The following LAMP3 variants were observed in gnomAD, a reference collection of about 807,000 sequenced individuals.
LAMP3 encodes lysosome-associated membrane glycoprotein 3.
A neutral mutation model predicts 34.8 loss-of-function variants in LAMP3; 26 were observed. The ratio of observed to expected loss-of-function variants is 0.75; its 90% confidence interval spans 0.55 to 1.04. The LOEUF is 1.04. LAMP3 is among the 50% of genes least tolerant of loss of function. The pLI, the probability that LAMP3 is intolerant of heterozygous loss-of-function variation, is 0.00. For missense variants in LAMP3, 495 were observed against 524.0 expected, an observed-to-expected ratio of 0.94 and a Z score of 0.54; for synonymous variants, 180 against 201.9, an observed-to-expected ratio of 0.89 and a Z score of 0.92.
At chr3:183,160,836 G>A (rs1269381936) in intron 1 of LAMP3, 7 of 152,108 alleles carry the variant, frequency 4.6e-5, no homozygotes, top group Admixed American at 2.0e-4. Flanking sequence ...CAAGTAAAAC[G>A]GAGACAATAG....
At chr3:183,157,461 C>T (rs377179328) in intron 1 of LAMP3, among the ~76,000 whole-genome samples, 3 of 152,234 alleles carry the variant, frequency 2.0e-5, no homozygotes, top group East Asian at 1.9e-4. Context: ...GTAAAACCCG[C>T]GTTGCTGGTT....
chr3:183,130,625 A>G (rs1363614221), intron 5 of LAMP3, among the ~76,000 whole-genome samples: 1 of 152,044 alleles, frequency 6.6e-6, no homozygotes, highest in Non-Finnish European at 1.5e-5. Flanking sequence ...TTTCCATTGC[A>G]TCTGAGATCA....
intron 3 of LAMP3, among the ~76,000 whole-genome samples, chr3:183,151,916 C>T (rs527309854): frequency 5.9e-5 from 9 of 152,314 alleles, no homozygotes; most frequent in African/African-American, 2.2e-4. Flanking sequence ...CTGTCCCTTC[C>T]AGGGTATGGT....
In LAMP3 at chr3:183,153,885, C is replaced by A; in HGVS notation, c.556G>T (p.Val186Phe). 1 of 1,613,936 alleles carries A rather than the reference C, an allele frequency of 6.2e-7. No individual in the cohort carries two copies. The highest frequency in any genetic ancestry group is 1.1e-5 in the South Asian group (1 of 91,044). The change falls in exon 2 of 6, where the codon GTT becomes TTT. Residue 186 changes from valine (V) to phenylalanine (F), a missense_variant. Transcript: ENST00000265598. Reference protein sequence around the residue: ...LHKSTTGQKPVQPTHAPGTTA... With the variant: ...LHKSTTGQKPFQPTHAPGTTA... ...GTTCCTGGGGCATGGGTGGGTTGAACAGGCTTCTGACCGGTTGTGCTTTTG... is the reference window on the plus strand; with the variant it reads ...GTTCCTGGGGCATGGGTGGGTTGAAAAGGCTTCTGACCGGTTGTGCTTTTG...
At chr3:183,162,389 C>CAGAA (rs926243992) in intron 1 of LAMP3, among the ~76,000 whole-genome samples, 3 of 152,174 alleles carry the variant, frequency 2.0e-5, no homozygotes, top group Non-Finnish European at 4.4e-5. Flanking sequence ...AGAAGGTGTC[C>CAGAA]AGAACCCTTT....
At chr3:183,147,841 G>A (rs1195078323) in intron 3 of LAMP3, among the ~76,000 whole-genome samples, 1 of 152,086 alleles carries the variant, frequency 6.6e-6, no homozygotes, top group Admixed American at 6.5e-5. Context: ...CAGCTTGCAT[G>A]TGGTAGCTGG....
rs2108611722 is a variant in LAMP3, at chr3:183,153,569, C to T, written c.759+113G>A. ...AGCACCTTGGAGAGAGATGAGCTCA[C>T]AGCTATTGGTTTCATTTAAAGACAC... On this transcript the variant is annotated intron_variant, in intron 2 of 5. Transcript: ENST00000265598. 9.0e-6 allele frequency: 6 copies of T among 669,888 alleles called. No individual in the cohort carries two copies. The South Asian group carries it at 1.1e-4, about 12-fold the overall frequency. 41.5% of individuals were successfully genotyped at this position (669,888 alleles called of 1,614,324 possible).
chr3:183,152,470 G>A lies in LAMP3; in HGVS notation c.793C>T (p.Pro265Ser). ...FSPRRYFNID[P>S]NATQASGNCG... is the part of the protein sequence containing the mutation. ...TTCCCAGAGGCTTGCGTTGCGTTGG[G>A]GTCGATGTTGAAGTATCTCCGAGGT... The change falls in exon 3 of 6, where the codon CCC becomes TCC. Residue 265 changes from proline (P) to serine (S), a missense_variant. Pro to Ser is a moderately conservative substitution (Grantham distance 74, BLOSUM62 -1). Transcript: ENST00000265598. 6.2e-7 allele frequency: 1 copy of A among 1,612,422 alleles called. No individual in the cohort carries two copies. The highest frequency in any genetic ancestry group is 8.5e-7 in the Non-Finnish European group (1 of 1,179,340).
rs144414272 is a variant in LAMP3 at position 183,126,216 on chromosome 3, C to T, written c.1118-2002G>A. Reference sequence around the variant, plus strand: ...TTCAGACAATAGAAAATAATATAGCCATTAAAAAGAACGTGGTAGGTCTCG... The same window carrying T: ...TTCAGACAATAGAAAATAATATAGCTATTAAAAAGAACGTGGTAGGTCTCG... On this transcript the variant is annotated intron_variant, in intron 5 of 5. Transcript: ENST00000265598. 2.9e-3 allele frequency among the ~76,000 whole-genome samples: 433 copies of T among 151,158 alleles called. 2 individuals carry two copies. The highest frequency in any genetic ancestry group is 0.01 in the African/African-American group (413 of 41,184).
At chr3:183,141,511 G>A (rs1395139362) in intron 3 of LAMP3, among the ~76,000 whole-genome samples, 1 of 152,196 alleles carries the variant, frequency 6.6e-6, no homozygotes, top group African/African-American at 2.4e-5. Flanking sequence ...TACAAGTTAA[G>A]AGATGCAAAA....
chr3:183,133,056 G>A (rs1719975235), intron 5 of LAMP3: 1 of 473,592 alleles, frequency 2.1e-6, no homozygotes, highest in Non-Finnish European at 2.8e-6. Flanking sequence ...AGAAGACAGA[G>A]GGGAAGATGG....
At chr3:183,133,178 T>C (rs1719978957) in intron 5 of LAMP3, among the ~76,000 whole-genome samples, 1 of 152,200 alleles carries the variant, frequency 6.6e-6, no homozygotes, top group South Asian at 2.1e-4. Context: ...AAATTGCAGA[T>C]GCCCAGACAC....
chr3:183,143,354 C>T (rs1267016974), intron 3 of LAMP3, among the ~76,000 whole-genome samples: 1 of 152,200 alleles, frequency 6.6e-6, no homozygotes, highest in Non-Finnish European at 1.5e-5. Context: ...CTCAAGAGAT[C>T]TTCCCTACTT....
At chr3:183,135,024 T>C (rs1720039678) in intron 5 of LAMP3, among the ~76,000 whole-genome samples, 1 of 152,214 alleles carries the variant, frequency 6.6e-6, no homozygotes, top group South Asian at 2.1e-4. Context: ...AATGTGTTCC[T>C]GGAAGGGAGA....
intron 5 of LAMP3, among the ~76,000 whole-genome samples, chr3:183,131,216 C>G (rs1022872703): frequency 1.3e-5 from 2 of 152,182 alleles, no homozygotes; most frequent in Admixed American, 6.5e-5. Flanking sequence ...GTGGTCATAT[C>G]CCTCTATACT....
chr3:183,137,692 AC>A (rs1183737015), intron 4 of LAMP3, among the ~76,000 whole-genome samples: 1 of 152,000 alleles, frequency 6.6e-6, no homozygotes, highest in African/African-American at 2.4e-5. Context: ...TAATACCCCC[AC>A]TAACATGAAA....
Position 183,123,965 on chromosome 3 carries a change from A to ATGG in LAMP3, c.*113_*115dup. 1 of 1,047,756 alleles carries ATGG rather than the reference A, an allele frequency of 9.5e-7. No individual in the cohort carries two copies. The highest frequency in any genetic ancestry group is 2.5e-5 in the East Asian group (1 of 40,144). 64.9% of individuals were successfully genotyped at this position (1,047,756 alleles called of 1,614,324 possible). A position where few individuals can be genotyped will look rare whatever the true frequency, so the allele number is the denominator to read the frequency against. The stretch of plus-strand genomic sequence containing the variant: ...ATGACTCACTTCATTTGAATAGAAG[A>ATGG]TGGTGGTTTACATTGTTTGAAGGAC... On this transcript the variant is annotated 3_prime_UTR_variant, in exon 6 of 6. Transcript: ENST00000265598.
In LAMP3 at chr3:183,154,065, C is replaced by T. The variant is rs115430414; in HGVS notation, c.376G>A (p.Gly126Ser). The T allele has an allele frequency of 2.5e-5, 41 of 1,613,978 alleles. No homozygotes were observed. In the East Asian group the frequency reaches 5.1e-4, roughly 20 times the overall value. ...TAPPVTEVTV[G>S]PSLAPYSLPP... ...AGTGAATAAGGGGCTAAGCTAGGGC[C>T]GACTGTAACTTCAGTAACTGGAGGA... is the stretch of plus-strand genomic sequence containing the variant. Residue 126 changes from glycine (G) to serine (S), a missense_variant, in exon 2 of 6, where the codon GGC becomes AGC. Gly to Ser is a moderately conservative substitution (Grantham distance 56). Transcript: ENST00000265598.
Position 183,162,636 on chromosome 3 carries a change from G to A in LAMP3, c.20C>T (p.Ala7Val). 1 of 1,543,342 alleles carries A rather than the reference G, an allele frequency of 6.5e-7. No individual in the cohort carries two copies. The highest frequency in any genetic ancestry group is 8.7e-7 in the Non-Finnish European group (1 of 1,145,418). The change falls in exon 1 of 6, where the codon GCG becomes GTG. Residue 7 changes from alanine (A) to valine (V), a missense_variant. Ala to Val is a moderately conservative substitution (Grantham distance 64). Transcript: ENST00000265598. ...CAGGGACGCGAAGAGCGCGGCCGCC[G>A]CGCTGAGCTGCCGGGGCATGGTGGG... is the stretch of plus-strand genomic sequence containing the variant. Reference protein sequence around the residue: MPRQLSAAAALFASLAV... With the variant: MPRQLSVAAALFASLAV...
Sources: allele counts gnomAD v4.1 joint callset (sites outside exome capture counted in the v4.1 genomes callset), GRCh38; gene constraint gnomAD v4.1.1; transcripts MANE v1.5; gene names NCBI Gene and HGNC (gene_info 2026-07-23, HGNC 2026-07-21).